Variants in PIBF1 observed in about 807,000 individuals in gnomAD.
The protein encoded by PIBF1 is progesterone immunomodulatory binding factor 1.
In PIBF1, 90 loss-of-function variants were observed where a neutral mutation model predicts 112.5. The observed-to-expected ratio is 0.80, with a 90% CI of 0.67 to 0.95. The LOEUF is 0.95. Ranked by LOEUF, PIBF1 falls within the 40% of genes least tolerant of loss-of-function variation. The probability of loss-of-function intolerance (pLI) is 0.00; values close to 1 mark genes in which losing one functional copy is unlikely to be tolerated. For synonymous variants in PIBF1, 301 were observed against 288.6 expected (o/e 1.04, Z -0.44); for missense variants, 915 against 852.3 (o/e 1.07, Z -0.92).
intron 16 of PIBF1, among the ~76,000 whole-genome samples, chr13:72,998,047 G>A (rs1030559029): frequency 1.5e-4 from 23 of 152,168 alleles, no homozygotes; most frequent in Admixed American, 3.9e-4. Context: ...AAGGATAAGG[G>A]ATAATACAGC....
intron 3 of PIBF1, among the ~76,000 whole-genome samples, chr13:72,794,838 C>T (rs970336543): frequency 6.6e-6 from 1 of 152,124 alleles, no homozygotes. Context: ...ATCAGATTGT[C>T]CCTTCCTGAT....
intron 15 of PIBF1, among the ~76,000 whole-genome samples, chr13:72,971,953 TA>T (rs57192140): frequency 0.42 from 61,413 of 146,656 alleles, 13,820 homozygotes; most frequent in African/African-American, 0.57. Context: ...TTTCTTGAAT[TA>T]AAAAAAAAAA....
At chr13:72,795,685 G>A in intron 4 of PIBF1, 128 bp downstream of exon 4, 1 of 623,780 alleles carries the variant, frequency 1.6e-6, no homozygotes, top group East Asian at 2.9e-5. Context: ...ATGGTGAATG[G>A]TGTTGAGATC....
intron 2 of PIBF1, among the ~76,000 whole-genome samples, chr13:72,787,329 C>T (rs1437429395): frequency 6.6e-6 from 1 of 152,086 alleles, no homozygotes; most frequent in Non-Finnish European, 1.5e-5. Context: ...TCCAGATGAA[C>T]AAAGTGCTAC....
intron 10 of PIBF1, among the ~76,000 whole-genome samples, chr13:72,873,319 A>C (rs1259119290): frequency 1.3e-5 from 2 of 152,232 alleles, no homozygotes; most frequent in African/African-American, 4.8e-5. Flanking sequence ...AAACTAGAAA[A>C]AAAGGGAAAA....
At chr13:73,007,426 C>T (rs932104574) in intron 17 of PIBF1, among the ~76,000 whole-genome samples, 3 of 151,618 alleles carry the variant, frequency 2.0e-5, no homozygotes, top group African/African-American at 7.3e-5. Context: ...GTTAATTATA[C>T]ATCTGAATTA....
intron 16 of PIBF1, among the ~76,000 whole-genome samples, chr13:72,984,500 T>C (rs1484489098): frequency 6.6e-6 from 1 of 152,202 alleles, no homozygotes; most frequent in Non-Finnish European, 1.5e-5. Context: ...TGATATATTA[T>C]CTTGTAGTTT....
At chr13:72,836,862 C>A (rs2037383803) in intron 9 of PIBF1, among the ~76,000 whole-genome samples, 1 of 151,930 alleles carries the variant, frequency 6.6e-6, no homozygotes, top group Non-Finnish European at 1.5e-5. Context: ...CCTGTTTGAT[C>A]TTTTTTGAAA....
chr13:72,863,697 T>C (rs557893875), intron 10 of PIBF1, among the ~76,000 whole-genome samples: 120 of 148,652 alleles, frequency 8.1e-4, no homozygotes, highest in African/African-American at 2.9e-3. Context: ...TTTTTAAAGA[T>C]GGAAAAAAGA....
intron 14 of PIBF1, among the ~76,000 whole-genome samples, chr13:72,962,336 A>T (rs934462578): frequency 3.3e-5 from 5 of 152,224 alleles, no homozygotes; most frequent in African/African-American, 1.2e-4. Context: ...ACAGCCAGGC[A>T]TGATGGCTCT....
chr13:72,998,388 T>A (rs2139026115), intron 16 of PIBF1, among the ~76,000 whole-genome samples: 1 of 151,912 alleles, frequency 6.6e-6, no homozygotes, highest in South Asian at 2.1e-4. Flanking sequence ...GGCAGGAGGA[T>A]GGCTTGAGCC....
At chr13:72,824,190 T>G (rs1178083725) in intron 6 of PIBF1, among the ~76,000 whole-genome samples, 2 of 151,068 alleles carry the variant, frequency 1.3e-5, no homozygotes, top group East Asian at 3.9e-4. Context: ...ATTTTTTTTT[T>G]TTTTTTTAAG....
intron 11 of PIBF1, among the ~76,000 whole-genome samples, chr13:72,905,282 G>A (rs558008769): frequency 1.1e-4 from 17 of 151,590 alleles, no homozygotes; most frequent in Non-Finnish European, 2.4e-4. Flanking sequence ...TGGCCAGGGT[G>A]GTCTTGAACT....
intron 13 of PIBF1, among the ~76,000 whole-genome samples, chr13:72,922,882 G>T (rs532187809): frequency 4.6e-5 from 7 of 152,126 alleles, no homozygotes; most frequent in African/African-American, 1.7e-4. Flanking sequence ...AGAAACTAGC[G>T]ACAGTCTCAT....
intron 14 of PIBF1, among the ~76,000 whole-genome samples, chr13:72,937,208 G>C (rs1464141635): frequency 6.6e-6 from 1 of 151,772 alleles, no homozygotes; most frequent in African/African-American, 2.4e-5. Flanking sequence ...AATGTTTTCT[G>C]TTTGGCCCAT....
At chr13:72,806,332 G>C (rs971611109) in intron 5 of PIBF1, among the ~76,000 whole-genome samples, 1 of 151,636 alleles carries the variant, frequency 6.6e-6, no homozygotes, top group African/African-American at 2.4e-5. Flanking sequence ...TTAGCATAAT[G>C]CCCTCAGGGT....
chr13:72,952,835 G>T (rs1185690989), intron 14 of PIBF1, among the ~76,000 whole-genome samples: 1 of 149,344 alleles, frequency 6.7e-6, no homozygotes, highest in African/African-American at 2.5e-5. Context: ...TGTGGGGCTG[G>T]AATGGCAGAG....
At chr13:72,968,100 C>T (rs1474930036) in intron 15 of PIBF1, among the ~76,000 whole-genome samples, 5 of 151,436 alleles carry the variant, frequency 3.3e-5, no homozygotes, top group Non-Finnish European at 5.9e-5. Flanking sequence ...AGGAGAATGG[C>T]GTGAACCTGG....
intron 16 of PIBF1, among the ~76,000 whole-genome samples, chr13:72,981,517 GAAGT>G (rs1264313067): frequency 2.0e-5 from 3 of 152,128 alleles, no homozygotes; most frequent in African/African-American, 7.2e-5. Flanking sequence ...TGTGAAAATA[GAAGT>G]AAGTTTATAG....
Sources: allele counts gnomAD v4.1 joint callset (sites outside exome capture counted in the v4.1 genomes callset), GRCh38; gene constraint gnomAD v4.1.1; transcripts MANE v1.5; gene names NCBI Gene and HGNC (gene_info 2026-07-23, HGNC 2026-07-21).